GPR158: variants seen among roughly 807,000 people sequenced by gnomAD.
GPR158 encodes G protein-coupled receptor 158.
A neutral mutation model predicts 78.2 loss-of-function variants in GPR158; 30 were observed. The observed-to-expected ratio is 0.38, with a 90% confidence interval of 0.29 to 0.52. The LOEUF is 0.52. Ranked by LOEUF, GPR158 falls within the 20% of genes least tolerant of loss-of-function variation. The pLI is 0.83. For synonymous variants in GPR158, 581 were observed against 591.1 expected (o/e 0.98, Z 0.25); for missense variants, 1,463 against 1,523.5 (o/e 0.96, Z 0.66).
intron 4 of GPR158, among the ~76,000 whole-genome samples, chr10:25,455,185 A>G (rs1835274373): frequency 6.6e-6 from 1 of 152,182 alleles, no homozygotes; most frequent in South Asian, 2.1e-4. Flanking sequence ...GTGCCTCTGT[A>G]TAGGTCATTC....
intron 2 of GPR158, among the ~76,000 whole-genome samples, chr10:25,370,870 T>G (rs1833979032): frequency 6.6e-6 from 1 of 151,940 alleles, no homozygotes; most frequent in Non-Finnish European, 1.5e-5. Context: ...GGTACATATA[T>G]ATTAAGGATA....
At chr10:25,424,815 C>T (rs1834796975) in intron 4 of GPR158, among the ~76,000 whole-genome samples, 1 of 152,190 alleles carries the variant, frequency 6.6e-6, no homozygotes, top group African/African-American at 2.4e-5. Context: ...TGTCAGGTAG[C>T]ATGATGCCTC....
intron 2 of GPR158, among the ~76,000 whole-genome samples, chr10:25,340,882 A>G (rs965904322): frequency 6.6e-6 from 1 of 152,054 alleles, no homozygotes; most frequent in Admixed American, 6.6e-5. Flanking sequence ...AAGAAGTACT[A>G]TTAACTCCAA....
At chr10:25,517,058 T>C (rs1196842635) in intron 5 of GPR158, among the ~76,000 whole-genome samples, 7 of 150,116 alleles carry the variant, frequency 4.7e-5, no homozygotes, top group Admixed American at 3.3e-4. Context: ...GAGCAGTGGC[T>C]TGTAGTTCTC....
intron 2 of GPR158, among the ~76,000 whole-genome samples, chr10:25,287,952 A>C (rs1047092460): frequency 4.0e-5 from 6 of 151,070 alleles, no homozygotes; most frequent in African/African-American, 1.5e-4. Flanking sequence ...TACATCTGCA[A>C]ATCACCAAGT....
chr10:25,249,707 G>A (rs575968030), intron 2 of GPR158, among the ~76,000 whole-genome samples: 1,875 of 151,670 alleles, frequency 0.012, 36 homozygotes, highest in African/African-American at 0.04. Flanking sequence ...TGCTGGATTC[G>A]GTTTGCCAGT....
At chr10:25,200,513 A>T (rs1377265981) in intron 1 of GPR158, among the ~76,000 whole-genome samples, 1 of 152,010 alleles carries the variant, frequency 6.6e-6, no homozygotes, top group Non-Finnish European at 1.5e-5. Flanking sequence ...GAAGCTCTTT[A>T]ATTAGGTTCC....
intron 5 of GPR158, among the ~76,000 whole-genome samples, chr10:25,490,807 C>T (rs1835799878): frequency 6.6e-6 from 1 of 151,572 alleles, no homozygotes; most frequent in Non-Finnish European, 1.5e-5. Context: ...GGTATATACC[C>T]AGTAATGGGA....
intron 5 of GPR158, among the ~76,000 whole-genome samples, chr10:25,480,239 C>T (rs2130635179): frequency 6.6e-6 from 1 of 152,122 alleles, no homozygotes; most frequent in South Asian, 2.1e-4. Context: ...CCTTATCTGC[C>T]CCCTTCCCAC....
At chr10:25,374,608 T>C (rs1232283137) in intron 2 of GPR158, among the ~76,000 whole-genome samples, 1 of 151,756 alleles carries the variant, frequency 6.6e-6, no homozygotes, top group African/African-American at 2.4e-5. Context: ...TCTTCTCTGC[T>C]TCTAAAATTT....
At chr10:25,577,861 AAT>A (rs199976760) in intron 7 of GPR158, among the ~76,000 whole-genome samples, 4 of 142,690 alleles carry the variant, frequency 2.8e-5, no homozygotes, top group South Asian at 4.5e-4. Flanking sequence ...TGTATAAAAA[AAT>A]AAGGTAAGAT....
chr10:25,254,472 A>C (rs1002508183), intron 2 of GPR158, among the ~76,000 whole-genome samples: 3 of 152,212 alleles, frequency 2.0e-5, no homozygotes, highest in African/African-American at 7.2e-5. Context: ...TTTTAAAAGG[A>C]GTAGACAAAA....
intron 5 of GPR158, among the ~76,000 whole-genome samples, chr10:25,533,174 C>T (rs560376163): frequency 1.9e-4 from 29 of 152,282 alleles, no homozygotes; most frequent in African/African-American, 6.0e-4. Flanking sequence ...ATAGAATTCT[C>T]GCTGCACTGT....
At chr10:25,382,160 T>C (rs1564439835) in intron 2 of GPR158, among the ~76,000 whole-genome samples, 1 of 152,198 alleles carries the variant, frequency 6.6e-6, no homozygotes, top group East Asian at 1.9e-4. Flanking sequence ...GTGTCGAACA[T>C]ACAAAGAATT....
intron 4 of GPR158, among the ~76,000 whole-genome samples, chr10:25,433,536 G>GTGTGTGTGTGT (rs1554803600): frequency 7.6e-6 from 1 of 131,886 alleles, no homozygotes; most frequent in African/African-American, 3.1e-5. Flanking sequence ...TTAGGGGTGT[G>GTGTGTGTGTGT]TGTGTGTGTG....
At chr10:25,201,762 A>G (rs576948122) in intron 1 of GPR158, among the ~76,000 whole-genome samples, 10 of 152,096 alleles carry the variant, frequency 6.6e-5, no homozygotes, top group Admixed American at 2.0e-4. Flanking sequence ...TTCTGTTTAT[A>G]TGGTGAATCA....
rs372304960 is a variant in GPR158 at position 25,598,012 on chromosome 10, T to C, written c.2386T>C (p.Ser796Pro). Residue 796 changes from serine to proline, a missense_variant, in exon 11 of 11, where the codon TCA becomes CCA. Physicochemically the swap from Ser to Pro is moderately conservative, Grantham distance 74. Transcript: ENST00000376351. ...CATCAGGAAGAACCCCCCAGAGTCT[T>C]CAGGGAACACAGGGAAATCCAAGGA... ...ALIRKNPPES[S>P]GNTGKSKEET... is the part of the protein sequence containing the mutation. 1.9e-6 allele frequency: 3 copies of C among 1,613,920 alleles called. No homozygotes were observed. The African/African-American group carries it at 4.0e-5, about 22-fold the overall frequency.
chr10:25,192,596 G>T lies in GPR158; in HGVS notation c.902+16274G>T, dbSNP rs540715706. Among the ~76,000 whole-genome samples, 21 of 152,178 alleles carry T rather than the reference G, an allele frequency of 1.4e-4. No homozygotes were observed. The South Asian group carries it at 4.4e-3, about 32-fold the overall frequency. ...CAAAAGGTATAGAATGCCTCTTACT[G>T]TTGTAAAGAGTAAACAATCTTATAT... On this transcript the variant is annotated intron_variant, in intron 1 of 10. Transcript: ENST00000376351.
At chr10:25,356,092 C>T (rs564049379) in intron 2 of GPR158, among the ~76,000 whole-genome samples, 3 of 152,106 alleles carry the variant, frequency 2.0e-5, no homozygotes, top group South Asian at 2.1e-4. Context: ...TGATTGTCTA[C>T]CTCAATCTAT....
Sources: gnomAD v4.1 joint callset for allele counts (sites outside exome capture counted in the v4.1 genomes callset) on GRCh38, gnomAD v4.1.1 for gene constraint, MANE v1.5 for transcripts, NCBI Gene and HGNC (gene_info 2026-07-23, HGNC 2026-07-21) for gene names.